Variants in NXPE2 observed in about 807,000 individuals in gnomAD.
The protein encoded by NXPE2 is neurexophilin and PC-esterase domain family member 2.
A neutral mutation model predicts 34.4 loss-of-function variants in NXPE2; 34 were observed. That is an observed-to-expected ratio of 0.99 (90% CI 0.75 to 1.31). NXPE2 has a LOEUF of 1.31. Among genes scored for constraint, NXPE2 ranks in the 40% most tolerant of loss-of-function variants. NXPE2 has a pLI of 0.00. For missense variants in NXPE2, 649 were observed against 672.5 expected, an observed-to-expected ratio of 0.97 and a Z score of 0.39; for synonymous variants, 235 against 231.3, an observed-to-expected ratio of 1.02 and a Z score of -0.15.
the NXPE2 span, chr11:114,518,346 A>G: frequency 6.6e-6 from 1 of 152,238 alleles, no homozygotes; most frequent in Admixed American, 6.5e-5. Flanking sequence ...TTAGGCTGTA[A>G]AACATGCCTA....
the NXPE2 span, among the ~76,000 whole-genome samples, chr11:114,504,573 A>T: frequency 6.6e-6 from 1 of 152,324 alleles, no homozygotes; most frequent in South Asian, 2.1e-4. Flanking sequence ...GAGCTAGAGA[A>T]CAAAGTCAGG....
the NXPE2 span, chr11:114,527,869 C>T: frequency 2.9e-5 from 46 of 1,606,844 alleles, no homozygotes; most frequent in East Asian, 3.1e-4. Flanking sequence ...AATGTGTTTA[C>T]GATCCTTCAT....
At chr11:114,765,366 C>G in the NXPE2 span, among the ~76,000 whole-genome samples, 1 of 152,220 alleles carries the variant, frequency 6.6e-6, no homozygotes, top group Non-Finnish European at 1.5e-5. Flanking sequence ...ATTTTTCCAA[C>G]AGCACGTGCT....
chr11:114,633,809 G>C, the NXPE2 span, among the ~76,000 whole-genome samples: 3,034 of 151,950 alleles, frequency 0.02, 53 homozygotes, highest in Non-Finnish European at 0.032. Context: ...ATTTTTTATG[G>C]CTGCATAGTA....
the NXPE2 span, chr11:114,523,050 G>C: frequency 6.2e-7 from 1 of 1,613,648 alleles, no homozygotes; most frequent in African/African-American, 1.3e-5. Flanking sequence ...GGGACAGGAG[G>C]CTTCATTCCA....
chr11:114,683,401 T>C (rs1030837593), intron 2 of NXPE2, among the ~76,000 whole-genome samples: 1 of 150,050 alleles, frequency 6.7e-6, no homozygotes, highest in Admixed American at 6.8e-5. Flanking sequence ...TTACCTAGTA[T>C]ATAGTAACCT....
chr11:114,740,566 A>G, the NXPE2 span, among the ~76,000 whole-genome samples: 3 of 152,124 alleles, frequency 2.0e-5, no homozygotes, highest in African/African-American at 7.2e-5. Context: ...AAATGACTAT[A>G]CCAATTTACA....
the NXPE2 span, among the ~76,000 whole-genome samples, chr11:114,751,093 G>A: frequency 6.6e-6 from 1 of 152,106 alleles, no homozygotes; most frequent in Non-Finnish European, 1.5e-5. Context: ...CCACTCCCTA[G>A]TTGCTTCAGC....
intron 2 of NXPE2, among the ~76,000 whole-genome samples, chr11:114,680,230 C>G (rs1950926410): frequency 6.6e-6 from 1 of 152,140 alleles, no homozygotes; most frequent in Non-Finnish European, 1.5e-5. Flanking sequence ...TTAGTACAAA[C>G]ATAATCTTTC....
the NXPE2 span, among the ~76,000 whole-genome samples, chr11:114,769,841 T>G: frequency 2.0e-5 from 3 of 152,004 alleles, no homozygotes; most frequent in Non-Finnish European, 4.4e-5. Flanking sequence ...GGGATAACAT[T>G]AGGAGAAATA....
chr11:114,646,649 A>C, the NXPE2 span, among the ~76,000 whole-genome samples: 1 of 152,144 alleles, frequency 6.6e-6, no homozygotes, highest in Non-Finnish European at 1.5e-5. Flanking sequence ...AACACCACCA[A>C]ATACCATTAA....
At chr11:114,625,873 G>T in the NXPE2 span, among the ~76,000 whole-genome samples, 1 of 152,276 alleles carries the variant, frequency 6.6e-6, no homozygotes, top group East Asian at 1.9e-4. Flanking sequence ...GAAGCGCAAG[G>T]GGTCAGGGAG....
chr11:114,663,033 A>C, the NXPE2 span, among the ~76,000 whole-genome samples: 1 of 152,122 alleles, frequency 6.6e-6, no homozygotes, highest in Non-Finnish European at 1.5e-5. Flanking sequence ...CTTATACGGC[A>C]TTTCTGGTCC....
At chr11:114,693,007 T>A (rs1325370786) in intron 2 of NXPE2, among the ~76,000 whole-genome samples, 1 of 152,216 alleles carries the variant, frequency 6.6e-6, no homozygotes, top group Non-Finnish European at 1.5e-5. Context: ...CATGTGAATC[T>A]ACAATTATCT....
At chr11:114,513,868 C>T in the NXPE2 span, among the ~76,000 whole-genome samples, 4 of 151,926 alleles carry the variant, frequency 2.6e-5, no homozygotes, top group African/African-American at 9.7e-5. Context: ...AATGCAAAGA[C>T]TTTTTGTAAA....
chr11:114,668,530 C>T, the NXPE2 span, among the ~76,000 whole-genome samples: 2 of 151,984 alleles, frequency 1.3e-5, no homozygotes, highest in African/African-American at 4.8e-5. Context: ...CAGAAGGAAC[C>T]TCAGCCTTCT....
At chr11:114,665,748 G>C in the NXPE2 span, among the ~76,000 whole-genome samples, 2 of 152,124 alleles carry the variant, frequency 1.3e-5, no homozygotes, top group Non-Finnish European at 2.9e-5. Flanking sequence ...TCAGAATCCA[G>C]GGACTTGGAG....
the NXPE2 span, among the ~76,000 whole-genome samples, chr11:114,791,483 G>A: frequency 3.9e-5 from 6 of 152,172 alleles, no homozygotes; most frequent in African/African-American, 1.2e-4. Context: ...CTGTGCCTCT[G>A]GACTGGTAGT....
chr11:114,725,993 A>ATATATG, the NXPE2 span, among the ~76,000 whole-genome samples: 1 of 127,392 alleles, frequency 7.8e-6, no homozygotes, highest in Non-Finnish European at 1.7e-5. Flanking sequence ...ATATATATAT[A>ATATATG]AAAAGAAAAA....
Sources: gnomAD v4.1 joint callset for allele counts (sites outside exome capture counted in the v4.1 genomes callset) on GRCh38, gnomAD v4.1.1 for gene constraint, MANE v1.5 for transcripts, NCBI Gene and HGNC (gene_info 2026-07-23, HGNC 2026-07-21) for gene names.